Variants in HERC2 observed in about 807,000 individuals in gnomAD.
HERC2 encodes the protein E3 ubiquitin-protein ligase HERC2.
In HERC2, 102 loss-of-function variants were observed where a neutral mutation model predicts 537.7. That is an observed-to-expected ratio of 0.19 (90% confidence interval 0.16 to 0.22). The LOEUF is 0.22. Ranked by LOEUF, HERC2 falls within the 10% of genes least tolerant of loss-of-function variation. HERC2 has a pLI of 1.00. For missense variants in HERC2, 4,236 were observed against 6,198.2 expected (o/e 0.68, Z 10.63); for synonymous variants, 2,224 against 2,466.2 (o/e 0.90, Z 2.91).
chr15:28,219,281 AT>A (rs1268264188), intron 37 of HERC2, among the ~76,000 whole-genome samples: 4 of 152,126 alleles, frequency 2.6e-5, no homozygotes, highest in Non-Finnish European at 5.9e-5. Flanking sequence ...TGGCTTTGGG[AT>A]GAGGAGATGT....
rs1567043601 is a variant in HERC2 at position 28,229,250 on chromosome 15, A to G, written c.5217T>C (p.Ala1739=). ...EVTFGKLYAW[A]VQNIRNVLMD... is the part of the protein sequence containing the mutation. ...TCAAAACATTTCGAATGTTCTGTAC[A>G]GCCCAAGCGTACAGCTTGCCAAAGG... Residue 1739 remains alanine (A), a synonymous_variant, in exon 34 of 93, where the codon GCT becomes GCC. Coordinates refer to ENST00000261609, the MANE Select transcript of HERC2 (RefSeq NM_004667.6). 8.7e-6 allele frequency: 14 copies of G among 1,613,792 alleles called. No individual in the cohort carries two copies. Among genetic ancestry groups the G allele is most frequent in the Non-Finnish European group, 1.2e-5 (14 of 1,179,716 alleles).
At chr15:28,179,075 T>C in intron 58 of HERC2, 45 bp from the exon 59 acceptor site, 1 of 1,603,794 alleles carries the variant, frequency 6.2e-7, no homozygotes, top group Non-Finnish European at 8.5e-7. Context: ...TTCACAACAT[T>C]AAAAACTTTT....
In HERC2 at chr15:28,282,315, G is replaced by A. The variant is rs147849888; in HGVS notation, c.323-2028C>T. On this transcript the variant is annotated intron_variant, in intron 4 of 92. Transcript: ENST00000261609. ...CACTCATGATACCAAGAACCAGGAA[G>A]ATCTAAAACCAAATTTTAAACAGTT... Among the ~76,000 whole-genome samples the A allele has an allele frequency of 1.3e-3, 195 of 152,286 alleles. 3 individuals are homozygous for A. Among genetic ancestry groups the A allele is most frequent in the African/African-American group, 4.4e-3 (181 of 41,564 alleles).
chr15:28,155,128 G>GTGTATATA (rs1008166398), intron 69 of HERC2, among the ~76,000 whole-genome samples: 1 of 151,968 alleles, frequency 6.6e-6, no homozygotes, highest in Admixed American at 6.5e-5. Context: ...GTATTCCATG[G>GTGTATATA]TGTATATATG....
In HERC2 at chr15:28,176,752, C is replaced by G; in HGVS notation, c.9449G>C (p.Gly3150Ala). 1 of 1,613,996 alleles carries G rather than the reference C, an allele frequency of 6.2e-7. No homozygotes were observed. Among genetic ancestry groups the G allele is most frequent in the South Asian group, 1.1e-5 (1 of 91,076 alleles). Reference protein sequence around the residue: ...LKPKMVKVLLGHRVIQVACGS... With the variant: ...LKPKMVKVLLAHRVIQVACGS... ...ACATGCAACCTGGATTACTCTGTGA[C>G]CGAGAAGGACTTTCACCTACTCAAT... The change falls in exon 62 of 93, where the codon GGT (glycine) becomes GCT (alanine). Residue 3150 changes from glycine to alanine, a missense_variant. Around this residue, in one of 27 missense-constraint regions of HERC2, gnomAD observed 606 missense variants for 884.5 expected, o/e 0.69. Transcript: ENST00000261609. The surrounding 1 kb of genome is among the most constrained non-coding windows in gnomAD (Gnocchi z 5.0).
At chr15:28,193,204 A>G (rs4073541) in intron 52 of HERC2, among the ~76,000 whole-genome samples, 20,034 of 152,172 alleles carry the variant, frequency 0.13, 4,438 homozygotes, top group African/African-American at 0.46. Context: ...AGACCCACAA[A>G]GGCTCCATAT....
Position 28,196,247 on chromosome 15 carries a change from G to A in HERC2, c.8228C>T (p.Thr2743Ile). 7.0e-7 allele frequency: 1 copy of A among 1,421,258 alleles called. No individual in the cohort carries two copies. The highest frequency in any genetic ancestry group is 1.3e-5 in the South Asian group (1 of 76,556). 88.0% of individuals were successfully genotyped at this position (1,421,258 alleles called of 1,614,324 possible). Residue 2743 changes from threonine (T) to isoleucine (I), a missense_variant, in exon 52 of 93, where the codon ACC becomes ATC. Thr to Ile is a moderately conservative substitution (Grantham distance 89). This residue lies in a region of HERC2 where 606 missense variants were observed against 884.5 expected (regional missense o/e 0.69). Transcript: ENST00000261609. Reference sequence around the variant, plus strand: ...ATTTATTCTGCCAAATGTATGCCTGGTATTGTGTTTTTTGGTCTTGAAACA... The same window carrying A: ...ATTTATTCTGCCAAATGTATGCCTGATATTGTGTTTTTTGGTCTTGAAACA... ...ETCFKTKKHN[T>I]RHTFGRINEP...
intron 89 of HERC2, 135 bp downstream of exon 89, chr15:28,115,293 TG>T: frequency 2.2e-6 from 1 of 457,108 alleles, no homozygotes; most frequent in Non-Finnish European, 3.8e-6. Context: ...TACTCAAAGG[TG>T]GTCCACAGCC....
At chr15:28,251,112 T>C (rs2075062290) in intron 20 of HERC2, among the ~76,000 whole-genome samples, 1 of 152,088 alleles carries the variant, frequency 6.6e-6, no homozygotes. Context: ...AGGACACCAA[T>C]GGAGCTACAG....
In HERC2 at chr15:28,116,635, G is replaced by A. The variant is rs758798422; in HGVS notation, c.13609+30C>T. The A allele has an allele frequency of 2.2e-5, 35 of 1,579,334 alleles. No homozygotes were observed. In the Middle Eastern group the frequency reaches 6.2e-4, roughly 28 times the overall value. Reference sequence around the variant, plus strand: ...CTCAAGAGCAGGCACAGGCCACAGCGACACAGTCTCAAGCGGCCGAGAAGC... The same window carrying A: ...CTCAAGAGCAGGCACAGGCCACAGCAACACAGTCTCAAGCGGCCGAGAAGC... On this transcript the variant is annotated intron_variant, in intron 88 of 92. Coordinates refer to ENST00000261609, the MANE Select transcript of HERC2 (RefSeq NM_004667.6).
chr15:28,262,417 T>A (rs552494745), intron 15 of HERC2, among the ~76,000 whole-genome samples: 1 of 152,242 alleles, frequency 6.6e-6, no homozygotes, highest in East Asian at 1.9e-4. Flanking sequence ...TTGGCTTCCA[T>A]CTCTTGCCTC....
intron 56 of HERC2, 105 bp from the exon 57 acceptor site, chr15:28,182,617 T>A (rs1178078256): frequency 1.2e-6 from 1 of 856,066 alleles, no homozygotes; most frequent in Non-Finnish European, 1.8e-6. Flanking sequence ...AGTTTTATGG[T>A]TACTTTCAGA....
At chr15:28,249,451 C>T (rs535195669) in intron 20 of HERC2, among the ~76,000 whole-genome samples, 1 of 152,106 alleles carries the variant, frequency 6.6e-6, no homozygotes, top group Non-Finnish European at 1.5e-5. Flanking sequence ...ACATATGTTC[C>T]CAGAAGGTAA....
rs759712371 is a variant in HERC2, at chr15:28,125,156, T to G, written c.12840A>C (p.Gln4280His). 6.2e-7 allele frequency: 1 copy of G among 1,614,006 alleles called. No homozygotes were observed. The highest frequency in any genetic ancestry group is 8.5e-7 in the Non-Finnish European group (1 of 1,179,818). ...TGGCATTGGTGGTTCCGTCTCCCAGTTGTCCCTCATCATTGTCGCCCCATG... is the reference window on the plus strand; with the variant it reads ...TGGCATTGGTGGTTCCGTCTCCCAGGTGTCCCTCATCATTGTCGCCCCATG... ...VYTWGDNDEG[Q>H]LGDGTTNAIQ... Residue 4280 changes from glutamine (Q) to histidine (H), a missense_variant, in exon 84 of 93, where the codon CAA becomes CAC. Physicochemically the swap from Gln to His is conservative, Grantham distance 24 (BLOSUM62 0). This residue lies in a region of HERC2 where 189 missense variants were observed against 255.7 expected (regional missense o/e 0.74). Coordinates refer to ENST00000261609, the MANE Select transcript of HERC2 (RefSeq NM_004667.6).
intron 38 of HERC2, among the ~76,000 whole-genome samples, chr15:28,217,167 GACTTAC>G (rs1223526980): frequency 2.6e-5 from 4 of 152,080 alleles, no homozygotes; most frequent in Admixed American, 6.5e-5. Context: ...GACTTACACT[GACTTAC>G]ACTTACACTG....
At position 28,268,394 on chromosome 15, in the gene HERC2, C is replaced by T. The variant is rs75779539; in HGVS notation, c.1598+71G>A. ...TGGAAAACACCTGGACACACTTCTG[C>T]GCTCCATCCTGTTTAGGATATGGCA... On this transcript the variant is annotated intron_variant, in intron 12 of 92. Coordinates refer to ENST00000261609, the MANE Select transcript of HERC2 (RefSeq NM_004667.6). This position sits in a 1 kb window ranked among gnomAD's most constrained non-coding sequence, Gnocchi z 4.7. 3.7e-3 allele frequency: 5,264 copies of T among 1,433,706 alleles called. 170 individuals carry two copies. The African/African-American group carries it at 0.065, about 18-fold the overall frequency. 88.8% of individuals were successfully genotyped at this position (1,433,706 alleles called of 1,614,324 possible).
At chr15:28,119,317 T>C (rs1888621552) in intron 86 of HERC2, among the ~76,000 whole-genome samples, 1 of 146,652 alleles carries the variant, frequency 6.8e-6, no homozygotes, top group Non-Finnish European at 1.5e-5. Context: ...AGAGAATTGC[T>C]TGAGCCTGGG....
At position 28,163,234 on chromosome 15, in the gene HERC2, C is replaced by A; in HGVS notation, c.10606G>T (p.Glu3536Ter). The A allele has an allele frequency of 6.2e-7, 1 of 1,613,960 alleles. No individual in the cohort carries two copies. The highest frequency in any genetic ancestry group is 8.5e-7 in the Non-Finnish European group (1 of 1,180,036). Reference sequence around the variant, plus strand: ...TCCGCAATCAGCAGACTGGTGAACTCATCCAAGGCCTGAGGCTCCGGACCT... The same window carrying A: ...TCCGCAATCAGCAGACTGGTGAACTAATCCAAGGCCTGAGGCTCCGGACCT... ...AAGPEPQALD[E>*]FTSLLIADDT... The change falls in exon 69 of 93, where the codon GAG (glutamate) becomes TAG (stop). Residue 3536 changes from glutamate (E) to a stop codon, truncating the protein, a stop_gained. Transcript: ENST00000261609. LOFTEE classifies it high-confidence loss of function.
At chr15:28,151,810 C>A (rs1892483774) in intron 70 of HERC2, among the ~76,000 whole-genome samples, 1 of 151,002 alleles carries the variant, frequency 6.6e-6, no homozygotes, top group South Asian at 2.1e-4. Context: ...AATAGGAAAC[C>A]AATTCATTCT....
Sources: allele counts gnomAD v4.1 joint callset (sites outside exome capture counted in the v4.1 genomes callset), GRCh38; gene constraint gnomAD v4.1.1; regional missense constraint gnomAD v4.1.1; non-coding constraint Gnocchi (gnomAD v3.1); transcripts MANE v1.5; gene names NCBI Gene and HGNC (gene_info 2026-07-23, HGNC 2026-07-21).